The following GPAT3 variants were observed in gnomAD, a reference collection of about 807,000 sequenced individuals.
GPAT3 encodes the protein glycerol-3-phosphate acyltransferase 3, also known as 1-AGP acyltransferase 9.
In GPAT3, 53 loss-of-function variants were observed where a neutral mutation model predicts 58.8. The ratio of observed to expected loss-of-function variants is 0.90; its 90% CI spans 0.72 to 1.13. GPAT3 has a LOEUF of 1.13. GPAT3 is among the 50% of genes most tolerant of loss of function. GPAT3 has a pLI of 0.00. For missense variants in GPAT3, 511 were observed against 527.6 expected, an observed-to-expected ratio of 0.97 and a Z score of 0.31; for synonymous variants, 197 against 187.4, an observed-to-expected ratio of 1.05 and a Z score of -0.42.
At chr4:83,562,175 TATA>T (rs1725149081) in intron 2 of GPAT3, among the ~76,000 whole-genome samples, 2 of 51,146 alleles carry the variant, frequency 3.9e-5, no homozygotes, top group Non-Finnish European at 6.5e-5. Flanking sequence ...AGTTATTTTA[TATA>T]TTATATATAT....
chr4:83,572,352 A>G (rs1186577854), intron 2 of GPAT3, among the ~76,000 whole-genome samples: 2 of 152,246 alleles, frequency 1.3e-5, no homozygotes, highest in African/African-American at 4.8e-5. Context: ...GATATCTCCA[A>G]CAAATTTCTT....
At chr4:83,596,296 C>G (rs1726832271) in intron 7 of GPAT3, among the ~76,000 whole-genome samples, 1 of 152,128 alleles carries the variant, frequency 6.6e-6, no homozygotes, top group Non-Finnish European at 1.5e-5. Context: ...GTCTAATATT[C>G]TCTTTTAAGA....
At chr4:83,556,782 C>CAA (rs35789405) in intron 2 of GPAT3, among the ~76,000 whole-genome samples, 4 of 131,366 alleles carry the variant, frequency 3.0e-5, no homozygotes, top group Non-Finnish European at 3.3e-5. Context: ...CTACGGTTCT[C>CAA]AAAAAAAAAA....
chr4:83,536,821 GTCCA>G, intron 1 of GPAT3, 58 bp downstream of exon 1: 1 of 1,520,928 alleles, frequency 6.6e-7, no homozygotes, highest in Non-Finnish European at 8.9e-7. Flanking sequence ...GAACCCGGGG[GTCCA>G]GTTCTCAAGG....
At chr4:83,577,279 G>A (rs1725856221) in intron 2 of GPAT3, among the ~76,000 whole-genome samples, 1 of 151,722 alleles carries the variant, frequency 6.6e-6, no homozygotes, top group African/African-American at 2.4e-5. Context: ...AATGTAAGGT[G>A]CAATCCTGGA....
At chr4:83,541,792 C>T (rs7672834) in intron 1 of GPAT3, among the ~76,000 whole-genome samples, 51,901 of 152,076 alleles carry the variant, frequency 0.34, 9,826 homozygotes, top group Middle Eastern at 0.5. Flanking sequence ...TAGATGTCAG[C>T]AGGTTTAGCC....
chr4:83,544,450 AAT>A, intron 1 of GPAT3, 84 bp from the exon 2 acceptor site: 1 of 1,341,218 alleles, frequency 7.5e-7, no homozygotes, highest in Non-Finnish European at 1.1e-6. Context: ...CTTGATGTGT[AAT>A]TTCACTTCTG....
intron 2 of GPAT3, among the ~76,000 whole-genome samples, chr4:83,566,248 A>T (rs943161800): frequency 3.3e-5 from 5 of 152,106 alleles, no homozygotes; most frequent in Non-Finnish European, 5.9e-5. Flanking sequence ...CATGTTGACC[A>T]GGCTGGTCTG....
intron 6 of GPAT3, among the ~76,000 whole-genome samples, chr4:83,592,965 C>T (rs1471877761): frequency 6.6e-6 from 1 of 151,722 alleles, no homozygotes; most frequent in African/African-American, 2.4e-5. Context: ...CTCCCAGGTT[C>T]AAGTGATTCT....
chr4:83,546,524 A>G (rs1724518881), intron 2 of GPAT3, among the ~76,000 whole-genome samples: 1 of 152,070 alleles, frequency 6.6e-6, no homozygotes, highest in Non-Finnish European at 1.5e-5. Context: ...TCCAGGAAAG[A>G]ATGGAAGTGA....
At chr4:83,566,313 A>G (rs538676869) in intron 2 of GPAT3, among the ~76,000 whole-genome samples, 1 of 152,290 alleles carries the variant, frequency 6.6e-6, no homozygotes, top group East Asian at 1.9e-4. Flanking sequence ...TACTGGGATT[A>G]TAGGCGTGAG....
chr4:83,536,693 T>G lies in GPAT3; in HGVS notation c.71T>G (p.Leu24Ter). Residue 24 changes from leucine to a stop codon, truncating the protein, a stop_gained, in exon 1 of 12, where the codon TTA becomes TGA. Coordinates refer to ENST00000264409, the MANE Select transcript of GPAT3 (RefSeq NM_032717.5). LOFTEE classifies it high-confidence loss of function. Reference protein sequence around the residue: ...WLTLVLGFILLPSVFGVSLGI... With the variant: ...WLTLVLGFIL ...ACGCTGGTTCTCGGCTTCATCCTTT[T>G]ACCTTCGGTCTTCGGAGTGTCTCTG... 1 of 1,613,656 alleles carries G rather than the reference T, an allele frequency of 6.2e-7. No homozygotes were observed. The highest frequency in any genetic ancestry group is 8.5e-7 in the Non-Finnish European group (1 of 1,179,934).
rs183258113 is a variant in GPAT3 at position 83,537,695 on chromosome 4, A to G, written c.141+932A>G. On this transcript the variant is annotated intron_variant, in intron 1 of 11. Coordinates refer to ENST00000264409, the MANE Select transcript of GPAT3 (RefSeq NM_032717.5). ...GGTCTTGAACTCCTGGCCTCAAGCAATCTTCCTGCCGTCACCTCCCAAAGT... is the reference window on the plus strand; with the variant it reads ...GGTCTTGAACTCCTGGCCTCAAGCAGTCTTCCTGCCGTCACCTCCCAAAGT... Among the ~76,000 whole-genome samples the G allele has an allele frequency of 1.4e-4, 21 of 151,250 alleles. No individual in the cohort carries two copies. In the East Asian group the frequency reaches 2.1e-3, roughly 15 times the overall value.
intron 2 of GPAT3, among the ~76,000 whole-genome samples, chr4:83,564,789 C>T (rs1725322613): frequency 1.3e-5 from 2 of 152,162 alleles, no homozygotes; most frequent in South Asian, 2.1e-4. Context: ...CTCTGCTTAT[C>T]ATACTTCTTA....
At chr4:83,545,588 G>C (rs112060797) in intron 2 of GPAT3, among the ~76,000 whole-genome samples, 28 of 152,194 alleles carry the variant, frequency 1.8e-4, no homozygotes, top group Non-Finnish European at 2.9e-4. Flanking sequence ...GAGTATTTTT[G>C]TATAATTGGA....
At chr4:83,581,262 G>T (rs1015890113) in intron 2 of GPAT3, among the ~76,000 whole-genome samples, 6 of 152,038 alleles carry the variant, frequency 3.9e-5, no homozygotes, top group South Asian at 2.1e-4. Flanking sequence ...GTGTGTGTGT[G>T]TGAGTTCTTT....
At chr4:83,584,348 T>A (rs1382567276) in intron 3 of GPAT3, among the ~76,000 whole-genome samples, 1 of 152,184 alleles carries the variant, frequency 6.6e-6, no homozygotes, top group African/African-American at 2.4e-5. Flanking sequence ...AGACTCCTAC[T>A]CTTAGTGGAT....
At chr4:83,566,614 G>C (rs577433939) in intron 2 of GPAT3, among the ~76,000 whole-genome samples, 35 of 151,460 alleles carry the variant, frequency 2.3e-4, no homozygotes, top group Admixed American at 2.3e-3. Flanking sequence ...ATGATCTTGA[G>C]ATTCAGCTTT....
intron 2 of GPAT3, among the ~76,000 whole-genome samples, chr4:83,562,215 A>ATATATATAATATATATATAT (rs1560611127): frequency 0.013 from 278 of 21,852 alleles, 3 homozygotes; most frequent in African/African-American, 0.086. Flanking sequence ...TATATATTAT[A>ATATATATAATATATATATAT]TATATATATA....
Sources: allele counts gnomAD v4.1 joint callset (sites outside exome capture counted in the v4.1 genomes callset), GRCh38; gene constraint gnomAD v4.1.1; transcripts MANE v1.5; gene names NCBI Gene and HGNC (gene_info 2026-07-23, HGNC 2026-07-21).